The following TJP2 variants were observed in gnomAD, a reference collection of about 807,000 sequenced individuals.
The protein encoded by TJP2 is Friedreich ataxia region gene X104 (tight junction protein ZO-2).
Under a neutral mutation model 133.1 loss-of-function variants are expected in TJP2, and 91 were observed. The observed-to-expected ratio is 0.68, with a 90% CI of 0.58 to 0.81. The LOEUF (loss-of-function observed/expected upper bound fraction) is 0.81. Among genes scored for constraint, TJP2 ranks in the 40% least tolerant of loss-of-function variants. The pLI is 0.00. For missense variants in TJP2, 1,541 were observed against 1,565.6 expected, an observed-to-expected ratio of 0.98 and a Z score of 0.26; for synonymous variants, 592 against 583.4, an observed-to-expected ratio of 1.01 and a Z score of -0.21.
intron 1 of TJP2, among the ~76,000 whole-genome samples, chr9:69,148,011 G>A (rs780890122): frequency 2.7e-5 from 4 of 150,760 alleles, no homozygotes; most frequent in Admixed American, 2.0e-4. Flanking sequence ...TGCAACCTCC[G>A]CCTCCCGGGT....
At position 69,239,410 on chromosome 9, in the gene TJP2, G is replaced by C. The variant is rs575560721; in HGVS notation, c.2356-527G>C. On this transcript the variant is annotated intron_variant, in intron 16 of 22. Coordinates refer to ENST00000377245, the MANE Select transcript of TJP2 (RefSeq NM_004817.4). Reference sequence around the variant, plus strand: ...CAGTAACATACTGTTTTTTTTTCCAGAGTTCCCAGCATTATACCAAATAAT... The same window carrying C: ...CAGTAACATACTGTTTTTTTTTCCACAGTTCCCAGCATTATACCAAATAAT... Among the ~76,000 whole-genome samples the C allele has an allele frequency of 5.3e-5, 8 of 151,992 alleles. No homozygotes were observed. In the South Asian group the frequency reaches 1.7e-3, roughly 32 times the overall value.
At chr9:69,238,885 A>G in intron 16 of TJP2, 96 bp downstream of exon 16, 1 of 1,089,644 alleles carries the variant, frequency 9.2e-7, no homozygotes, top group Non-Finnish European at 1.4e-6. Flanking sequence ...TTTAATCATT[A>G]AATGTTAATA....
chr9:69,235,155 C>A (rs984692172), intron 12 of TJP2, among the ~76,000 whole-genome samples: 3 of 152,060 alleles, frequency 2.0e-5, no homozygotes, highest in Admixed American at 6.5e-5. Context: ...CTCAGGAGAG[C>A]CAGTGATTTA....
In TJP2 at chr9:69,254,623, G is replaced by A. The variant is rs1430721148; in HGVS notation, c.*249G>A. The A allele has an allele frequency of 1.7e-6, 1 of 602,004 alleles. No individual in the cohort carries two copies. Among genetic ancestry groups the A allele is most frequent in the Non-Finnish European group, 3.0e-6 (1 of 337,058 alleles). 37.3% of individuals were successfully genotyped at this position (602,004 alleles called of 1,614,324 possible). On this transcript the variant is annotated 3_prime_UTR_variant, in exon 23 of 23. Coordinates refer to ENST00000377245, the MANE Select transcript of TJP2 (RefSeq NM_004817.4). ...AGAATTAAGCAGAACACTGCAGTCA[G>A]ATCCTGTTACTTGCTTCAGTGGACC...
rs1225374015 is a variant in TJP2, at chr9:69,252,818, G to T, written c.3325G>T (p.Glu1109Ter). The T allele has an allele frequency of 1.2e-6, 2 of 1,614,066 alleles. No homozygotes were observed. The highest frequency in any genetic ancestry group is 1.1e-5 in the South Asian group (1 of 91,070). ...TTTTCTTTTTTAATTACCACAGATC[G>T]AAATTGCCCAGAAGCATCCTGATAT... ...ELQEAQNARIEIAQKHPDIYA... is the reference protein window; with the variant it reads ...ELQEAQNARI The change falls in exon 22 of 23, where the codon GAA becomes TAA. Residue 1109 changes from glutamate (E) to a stop codon, truncating the protein, a stop_gained. Coordinates refer to ENST00000377245, the MANE Select transcript of TJP2 (RefSeq NM_004817.4). LOFTEE classifies it high-confidence loss of function.
chr9:69,216,221 A>G, intron 2 of TJP2, 118 bp from the exon 3 acceptor site: 2 of 1,232,732 alleles, frequency 1.6e-6, no homozygotes, highest in Admixed American at 1.9e-5. Context: ...CTGTAAGCCC[A>G]TCTGTTCCTG....
intron 17 of TJP2, among the ~76,000 whole-genome samples, chr9:69,243,940 T>C (rs1830740617): frequency 6.6e-6 from 1 of 152,114 alleles, no homozygotes; most frequent in Non-Finnish European, 1.5e-5. Flanking sequence ...TCCCAGCACA[T>C]TGGGAGGCCA....
Position 69,221,072 on chromosome 9 carries a change from A to G in TJP2, c.528A>G (p.Glu176=), listed in dbSNP as rs1386148036. The G allele has an allele frequency of 6.3e-7, 1 of 1,595,014 alleles. No homozygotes were observed. The highest frequency in any genetic ancestry group is 8.5e-7 in the Non-Finnish European group (1 of 1,171,422). The change falls in exon 5 of 23, where the codon GAA becomes GAG. Residue 176 remains glutamate (E), a synonymous_variant. Transcript: ENST00000377245. ...GCCGCAGCTGGGAGGACAGCCCGGAAAGGGGGCGTCCCCATGAGCGGGCCC... is the reference window on the plus strand; with the variant it reads ...GCCGCAGCTGGGAGGACAGCCCGGAGAGGGGGCGTCCCCATGAGCGGGCCC... ...GRSRSWEDSP[E]RGRPHERARS...
chr9:69,154,787 AAATT>A (rs1000063969), intron 2 of TJP2, among the ~76,000 whole-genome samples: 6 of 151,874 alleles, frequency 4.0e-5, no homozygotes, highest in Admixed American at 3.9e-4. Flanking sequence ...TTATATAAAA[AAATT>A]AATAAATAAA....
chr9:69,146,114 T>C (rs1159429909), intron 1 of TJP2, among the ~76,000 whole-genome samples: 1 of 152,206 alleles, frequency 6.6e-6, no homozygotes, highest in African/African-American at 2.4e-5. Flanking sequence ...TTTAACATGG[T>C]TTACAAATGT....
At chr9:69,248,618 C>A in intron 19 of TJP2, 1 of 1,120,076 alleles carries the variant, frequency 8.9e-7, no homozygotes. Context: ...CCCCATCCTG[C>A]CTTTAACCTT....
intron 1 of TJP2, among the ~76,000 whole-genome samples, chr9:69,176,616 A>G (rs1479234207): frequency 2.0e-5 from 3 of 152,252 alleles, no homozygotes; most frequent in African/African-American, 7.2e-5. Context: ...TGAGGCATTC[A>G]TAGGCTTAAG....
intron 1 of TJP2, among the ~76,000 whole-genome samples, chr9:69,175,467 G>GA (rs2132945631): frequency 6.6e-6 from 1 of 152,358 alleles, no homozygotes; most frequent in Non-Finnish European, 1.5e-5. Context: ...GTAATTTTCT[G>GA]AGAGCACACA....
chr9:69,248,460 C>T (rs1302480097), intron 19 of TJP2: 1 of 1,362,086 alleles, frequency 7.3e-7, no homozygotes, highest in African/African-American at 1.5e-5. Context: ...ACACCCATGC[C>T]CTCAGGTGCG....
chr9:69,224,941 G>A (rs933973738), intron 5 of TJP2, among the ~76,000 whole-genome samples: 3 of 152,016 alleles, frequency 2.0e-5, no homozygotes, highest in Admixed American at 6.6e-5. Context: ...ATCAGTCACC[G>A]TAATACCATT....
intron 1 of TJP2, among the ~76,000 whole-genome samples, chr9:69,140,638 C>A (rs1207666941): frequency 6.6e-6 from 1 of 152,150 alleles, no homozygotes; most frequent in African/African-American, 2.4e-5. Flanking sequence ...ATTCCCCTCA[C>A]CCAATGAATG....
intron 17 of TJP2, among the ~76,000 whole-genome samples, chr9:69,240,714 G>T (rs1467437787): frequency 6.6e-6 from 1 of 151,822 alleles, no homozygotes; most frequent in Non-Finnish European, 1.5e-5. Flanking sequence ...GAGGTTGGAG[G>T]ATCGCTTGAG....
At chr9:69,222,286 C>T (rs1050758324) in intron 5 of TJP2, among the ~76,000 whole-genome samples, 4 of 151,800 alleles carry the variant, frequency 2.6e-5, no homozygotes, top group African/African-American at 9.7e-5. Context: ...AAGTGATTCT[C>T]CTGCCTCAGT....
chr9:69,164,246 T>C (rs1824235063), intron 2 of TJP2, among the ~76,000 whole-genome samples: 1 of 152,164 alleles, frequency 6.6e-6, no homozygotes, highest in Non-Finnish European at 1.5e-5. Flanking sequence ...GAATCTAAGA[T>C]ACTCTTCAAC....
Sources: allele counts gnomAD v4.1 joint callset (sites outside exome capture counted in the v4.1 genomes callset), GRCh38; gene constraint gnomAD v4.1.1; transcripts MANE v1.5; gene names NCBI Gene and HGNC (gene_info 2026-07-23, HGNC 2026-07-21).